Variants in SEMA3A observed in about 807,000 individuals in gnomAD.
The protein encoded by SEMA3A is semaphorin-3A.
Under a neutral mutation model 97.9 loss-of-function variants are expected in SEMA3A, and 29 were observed. The observed-to-expected ratio is 0.30, with a 90% confidence interval of 0.22 to 0.40. SEMA3A has a LOEUF of 0.40. Among genes scored for constraint, SEMA3A ranks in the 10% least tolerant of loss-of-function variants. The probability of loss-of-function intolerance (pLI) is 1.00; values close to 1 mark genes in which losing one functional copy is unlikely to be tolerated. For synonymous variants in SEMA3A, 321 were observed against 323.7 expected (o/e 0.99, Z 0.09); for missense variants, 763 against 951.3 (o/e 0.80, Z 2.60).
intron 15 of SEMA3A, among the ~76,000 whole-genome samples, chr7:83,970,487 T>C (rs969822762): frequency 9.2e-5 from 14 of 152,280 alleles, no homozygotes; most frequent in African/African-American, 3.4e-4. Context: ...CCCATAAATG[T>C]CTCGCAAGAT....
At chr7:84,461,664 G>C (rs1176807092) in intron 1 of SEMA3A, among the ~76,000 whole-genome samples, 1 of 152,010 alleles carries the variant, frequency 6.6e-6, no homozygotes, top group East Asian at 1.9e-4. Flanking sequence ...ATGACATTCA[G>C]ACAAGGGTTA....
chr7:84,393,759 G>T (rs1803652151), intron 1 of SEMA3A, among the ~76,000 whole-genome samples: 1 of 152,044 alleles, frequency 6.6e-6, no homozygotes, highest in Non-Finnish European at 1.5e-5. Flanking sequence ...TGAGCCCTTG[G>T]GGTGGTCCCC....
intron 3 of SEMA3A, among the ~76,000 whole-genome samples, chr7:84,285,855 C>G (rs1800571403): frequency 6.6e-6 from 1 of 151,544 alleles, no homozygotes; most frequent in Admixed American, 6.6e-5. Flanking sequence ...AGGAAGATCA[C>G]CTGAGTTGGG....
At chr7:84,364,809 G>A (rs190495133) in intron 2 of SEMA3A, among the ~76,000 whole-genome samples, 7 of 150,718 alleles carry the variant, frequency 4.6e-5, no homozygotes, top group South Asian at 2.1e-4. Flanking sequence ...CCCTGAGGCC[G>A]TAGAGAGACT....
chr7:84,234,072 G>T (rs951102525), intron 3 of SEMA3A, among the ~76,000 whole-genome samples: 5 of 151,798 alleles, frequency 3.3e-5, no homozygotes, highest in Non-Finnish European at 5.9e-5. Context: ...TACAATAAAA[G>T]ATGTCAATAG....
rs1449805428 is a variant in SEMA3A, at chr7:84,194,732, C to T, written c.-146G>A. ...AATGCAGACAATCAAGACCTCATGG[C>T]AACACTAACACCTCTTCTTCTGTAA... On this transcript the variant is annotated 5_prime_UTR_variant, in exon 1 of 17. Coordinates refer to ENST00000265362, the MANE Select transcript of SEMA3A (RefSeq NM_006080.3). 5.9e-6 allele frequency: 3 copies of T among 506,910 alleles called. No individual in the cohort carries two copies. The highest frequency in any genetic ancestry group is 7.1e-6 in the Non-Finnish European group (2 of 282,098). 31.4% of individuals were successfully genotyped at this position (506,910 alleles called of 1,614,324 possible).
chr7:84,172,558 A>G (rs1000407857), intron 1 of SEMA3A, among the ~76,000 whole-genome samples: 3 of 152,128 alleles, frequency 2.0e-5, no homozygotes, highest in Non-Finnish European at 2.9e-5. Context: ...AGTAGCTGGG[A>G]CTACAGGCAT....
intron 2 of SEMA3A, among the ~76,000 whole-genome samples, chr7:84,355,793 C>A (rs1194964973): frequency 6.6e-6 from 1 of 151,620 alleles, no homozygotes; most frequent in Non-Finnish European, 1.5e-5. Context: ...AATATATAAG[C>A]CTGAGTTAAT....
At chr7:84,209,549 C>T (rs1317736104) in intron 3 of SEMA3A, among the ~76,000 whole-genome samples, 1 of 152,034 alleles carries the variant, frequency 6.6e-6, no homozygotes, top group Non-Finnish European at 1.5e-5. Context: ...CCTTCTGTTC[C>T]TTCTTGTGCT....
chr7:84,184,099 A>G (rs558372287), intron 1 of SEMA3A, among the ~76,000 whole-genome samples: 2 of 152,284 alleles, frequency 1.3e-5, no homozygotes, highest in South Asian at 2.1e-4. Context: ...GGCCAGTCAG[A>G]TAAGTATTAA....
intron 15 of SEMA3A, 57 bp from the exon 16 acceptor site, chr7:83,963,404 C>A: frequency 7.1e-6 from 11 of 1,552,936 alleles, no homozygotes; most frequent in Non-Finnish European, 9.6e-6. Context: ...TTTCAACTTT[C>A]CAAAGTTTTT....
At chr7:84,031,328 G>A (rs190998050) in intron 6 of SEMA3A, among the ~76,000 whole-genome samples, 160 of 152,202 alleles carry the variant, frequency 1.1e-3, no homozygotes, top group Admixed American at 4.6e-3. Flanking sequence ...ACAACCTCAT[G>A]TAAGTTGGAT....
chr7:84,218,610 G>T (rs894525257), intron 3 of SEMA3A, among the ~76,000 whole-genome samples: 1 of 151,984 alleles, frequency 6.6e-6, no homozygotes, highest in East Asian at 1.9e-4. Context: ...TTGAATTTTT[G>T]CTATTCAGTT....
chr7:84,261,400 G>A (rs932324426), intron 3 of SEMA3A, among the ~76,000 whole-genome samples: 2 of 152,162 alleles, frequency 1.3e-5, no homozygotes, highest in African/African-American at 2.4e-5. Flanking sequence ...CCACATTGTG[G>A]GTGATGAGAA....
chr7:84,364,360 G>C (rs181002861), intron 2 of SEMA3A, among the ~76,000 whole-genome samples: 5 of 151,482 alleles, frequency 3.3e-5, no homozygotes, highest in African/African-American at 1.2e-4. Flanking sequence ...TATATAAAAC[G>C]ATTTTTTCAA....
At chr7:84,082,905 T>C (rs1794208669) in intron 4 of SEMA3A, among the ~76,000 whole-genome samples, 1 of 151,970 alleles carries the variant, frequency 6.6e-6, no homozygotes, top group African/African-American at 2.4e-5. Flanking sequence ...CAGGGTCACT[T>C]AAATAATGTA....
intron 12 of SEMA3A, among the ~76,000 whole-genome samples, chr7:83,997,099 T>G (rs1790253031): frequency 1.3e-5 from 2 of 152,180 alleles, no homozygotes; most frequent in Admixed American, 1.3e-4. Flanking sequence ...ATATGAGGTT[T>G]GGTTATTCAT....
chr7:84,002,336 A>T (rs895765731), intron 11 of SEMA3A, among the ~76,000 whole-genome samples: 8 of 152,124 alleles, frequency 5.3e-5, no homozygotes, highest in Admixed American at 2.6e-4. Context: ...TACATTTTTT[A>T]AAATATAATA....
intron 1 of SEMA3A, among the ~76,000 whole-genome samples, chr7:84,412,327 A>G (rs1804292888): frequency 6.6e-6 from 1 of 152,140 alleles, no homozygotes; most frequent in African/African-American, 2.4e-5. Flanking sequence ...TATGACCTAC[A>G]CAATCAGCGA....
Sources: allele counts gnomAD v4.1 joint callset (sites outside exome capture counted in the v4.1 genomes callset), GRCh38; gene constraint gnomAD v4.1.1; transcripts MANE v1.5; gene names NCBI Gene and HGNC (gene_info 2026-07-23, HGNC 2026-07-21).